The following TNRC6B variants were observed in gnomAD, a reference collection of about 807,000 sequenced individuals.
The protein encoded by TNRC6B is trinucleotide repeat-containing gene 6B protein.
In TNRC6B, 52 loss-of-function variants were observed where a neutral mutation model predicts 203.6. The observed-to-expected ratio is 0.26, with a 90% CI of 0.20 to 0.32. The LOEUF (loss-of-function observed/expected upper bound fraction) is 0.32. Ranked by LOEUF, TNRC6B falls within the 10% of genes least tolerant of loss-of-function variation. The pLI is 1.00. For missense variants in TNRC6B, 1,923 were observed against 2,286.2 expected (o/e 0.84, Z 3.24); for synonymous variants, 838 against 845.7 (o/e 0.99, Z 0.16).
intron 1 of TNRC6B, among the ~76,000 whole-genome samples, chr22:40,227,580 A>G (rs2069808446): frequency 6.6e-6 from 1 of 151,656 alleles, no homozygotes; most frequent in Non-Finnish European, 1.5e-5. Flanking sequence ...TGAACTCCTT[A>G]CCTCAAGTGA....
intron 4 of TNRC6B, among the ~76,000 whole-genome samples, chr22:40,159,605 C>T (rs886425493): frequency 2.6e-5 from 4 of 151,274 alleles, no homozygotes; most frequent in African/African-American, 9.7e-5. Flanking sequence ...TGCCACTGCA[C>T]TGCAGCCTGG....
At chr22:40,204,541 C>T (rs913625122) in intron 1 of TNRC6B, among the ~76,000 whole-genome samples, 46 of 152,300 alleles carry the variant, frequency 3.0e-4, no homozygotes, top group African/African-American at 1.0e-3. Context: ...AAGTGACTAG[C>T]GAGCGTAAAT....
At chr22:40,072,861 CAAAAAAAAAA>C (rs767881898) in intron 1 of TNRC6B, among the ~76,000 whole-genome samples, 23 of 46,534 alleles carry the variant, frequency 4.9e-4, no homozygotes, top group African/African-American at 1.1e-3. Context: ...GAGATTCTCT[CAAAAAAAAAA>C]AAAAAAAAAA....
In TNRC6B at chr22:40,327,881, G is replaced by C. The variant is rs1417235303; in HGVS notation, c.*4640G>C. On this transcript the variant is annotated 3_prime_UTR_variant, in exon 23 of 23. Transcript: ENST00000454349. Reference sequence around the variant, plus strand: ...TTTTTAACTACTTTTTAAAACACTTGATTACTAGTGGCTTAGAGGTGTGTA... The same window carrying C: ...TTTTTAACTACTTTTTAAAACACTTCATTACTAGTGGCTTAGAGGTGTGTA... 1.3e-5 allele frequency: 2 copies of C among 150,688 alleles called. No homozygotes were observed. Among genetic ancestry groups the C allele is most frequent in the Non-Finnish European group, 3.0e-5 (2 of 67,772 alleles). The allele number at this position is 150,688 out of a possible 1,614,324, so 9.3% of individuals were successfully genotyped here.
At chr22:40,278,183 T>C (rs2070674049) in intron 9 of TNRC6B, 139 bp downstream of exon 9, 1 of 684,564 alleles carries the variant, frequency 1.5e-6, no homozygotes, top group Non-Finnish European at 2.6e-6. Flanking sequence ...GGTACTGTGC[T>C]AGACACTGGG....
rs1279014213 is a variant in TNRC6B at position 40,266,316 on chromosome 22, G to A, written c.2086G>A (p.Gly696Arg). ...STEWKDPKNT[G>R]GWNDYKNNNS... ...AGAGTGGAAAGACCCCAAGAACACAGGAGGCTGGAATGACTACAAGAACAA... is the reference window on the plus strand; with the variant it reads ...AGAGTGGAAAGACCCCAAGAACACAAGAGGCTGGAATGACTACAAGAACAA... The change falls in exon 5 of 23, where the codon GGA becomes AGA. Residue 696 changes from glycine (G) to arginine (R), a missense_variant. This residue lies in a region of TNRC6B where 599 missense variants were observed against 656.5 expected (regional missense o/e 0.91). Coordinates refer to ENST00000454349, the MANE Select transcript of TNRC6B (RefSeq NM_001162501.2). The A allele has an allele frequency of 6.3e-7, 1 of 1,598,930 alleles. No homozygotes were observed. The highest frequency in any genetic ancestry group is 1.1e-5 in the South Asian group (1 of 89,002).
intron 1 of TNRC6B, among the ~76,000 whole-genome samples, chr22:40,236,441 TG>T (rs2069948732): frequency 6.6e-6 from 1 of 152,212 alleles, no homozygotes; most frequent in African/African-American, 2.4e-5. Context: ...CTTTTTATTG[TG>T]GAGTTCTTTT....
chr22:40,124,860 A>G (rs2068475062), intron 2 of TNRC6B, among the ~76,000 whole-genome samples: 1 of 151,956 alleles, frequency 6.6e-6, no homozygotes, highest in Non-Finnish European at 1.5e-5. Context: ...TAAAAATACA[A>G]AAATCGGCCG....
At chr22:40,278,852 C>T (rs1180747968) in intron 9 of TNRC6B, among the ~76,000 whole-genome samples, 1 of 152,202 alleles carries the variant, frequency 6.6e-6, no homozygotes, top group Non-Finnish European at 1.5e-5. Context: ...CGATTTTTCC[C>T]GCCTGAGTCT....
chr22:40,256,723 C>T (rs1214151754), intron 3 of TNRC6B, among the ~76,000 whole-genome samples: 1 of 152,128 alleles, frequency 6.6e-6, no homozygotes, highest in Admixed American at 6.5e-5. Flanking sequence ...TGGCCCTTTA[C>T]AGAAAGTTTG....
intron 11 of TNRC6B, among the ~76,000 whole-genome samples, chr22:40,283,178 AC>A (rs557942003): frequency 9.1e-4 from 138 of 152,154 alleles, no homozygotes; most frequent in African/African-American, 3.1e-3. Flanking sequence ...TGTTGGGACC[AC>A]AGGCTCCCGC....
At chr22:40,137,402 G>A (rs1384772944) in intron 3 of TNRC6B, among the ~76,000 whole-genome samples, 2 of 152,174 alleles carry the variant, frequency 1.3e-5, no homozygotes, top group African/African-American at 2.4e-5. Context: ...TCCTGGACAA[G>A]TTACACGGCA....
At chr22:40,052,146 A>G (rs1410708690) in intron 1 of TNRC6B, among the ~76,000 whole-genome samples, 4 of 152,206 alleles carry the variant, frequency 2.6e-5, no homozygotes, top group African/African-American at 7.2e-5. Flanking sequence ...TTCCTTGCCA[A>G]GAAACACAAG....
upstream of TNRC6B, among the ~76,000 whole-genome samples, chr22:40,176,122 CTTTTTTTT>C (rs984617603): frequency 7.6e-6 from 1 of 132,002 alleles, no homozygotes; most frequent in Non-Finnish European, 1.6e-5. Flanking sequence ...TTCTCATGCA[CTTTTTTTT>C]TTTTTTTTTT....
chr22:40,050,534 T>A (rs558423272), intron 1 of TNRC6B, among the ~76,000 whole-genome samples: 100 of 152,178 alleles, frequency 6.6e-4, no homozygotes, highest in Non-Finnish European at 1.1e-3. Context: ...CCCAGCTAAC[T>A]TCAGGTTCAG....
intron 1 of TNRC6B, among the ~76,000 whole-genome samples, chr22:40,103,525 GTTTT>G (rs1467681392): frequency 2.0e-5 from 3 of 152,140 alleles, no homozygotes; most frequent in Non-Finnish European, 1.5e-5. Flanking sequence ...TTGGTGAGTA[GTTTT>G]CTACTGGATA....
At chr22:40,223,498 C>G (rs1309367687) in intron 1 of TNRC6B, among the ~76,000 whole-genome samples, 1 of 152,150 alleles carries the variant, frequency 6.6e-6, no homozygotes. Context: ...GTAAAAGCCC[C>G]CCTTTTCTTA....
chr22:40,186,606 C>T (rs1009783164), intron 1 of TNRC6B, among the ~76,000 whole-genome samples: 11 of 151,670 alleles, frequency 7.3e-5, no homozygotes, highest in Non-Finnish European at 1.3e-4. Flanking sequence ...GGCGTGGTGG[C>T]GGATGCCTGT....
intron 3 of TNRC6B, among the ~76,000 whole-genome samples, chr22:40,152,949 A>C (rs1214115565): frequency 6.6e-6 from 1 of 151,904 alleles, no homozygotes; most frequent in Non-Finnish European, 1.5e-5. Flanking sequence ...AAAAATACAA[A>C]AAATTAGCCA....
Sources: gnomAD v4.1 joint callset for allele counts (sites outside exome capture counted in the v4.1 genomes callset) on GRCh38, gnomAD v4.1.1 for gene constraint, gnomAD v4.1.1 regional missense constraint, MANE v1.5 for transcripts, NCBI Gene and HGNC (gene_info 2026-07-23, HGNC 2026-07-21) for gene names.